The following DCDC2 variants were observed in gnomAD, a reference collection of about 807,000 sequenced individuals.
DCDC2 encodes the protein doublecortin domain containing 2.
A neutral mutation model predicts 50.2 loss-of-function variants in DCDC2; 40 were observed. That is an observed-to-expected ratio of 0.80 (90% CI 0.62 to 1.04). The LOEUF (loss-of-function observed/expected upper bound fraction) is 1.04, where lower values mean the gene tolerates loss of function less well. Ranked by LOEUF, DCDC2 falls within the 50% of genes least tolerant of loss-of-function variation. The probability of loss-of-function intolerance (pLI) is 0.00; values close to 1 mark genes in which losing one functional copy is unlikely to be tolerated. For missense variants in DCDC2, 570 were observed against 581.9 expected (o/e 0.98, Z 0.21); for synonymous variants, 234 against 210.6 (o/e 1.11, Z -0.96).
At chr6:24,230,157 T>G (rs1054805339) in intron 7 of DCDC2, among the ~76,000 whole-genome samples, 3 of 152,256 alleles carry the variant, frequency 2.0e-5, no homozygotes, top group African/African-American at 4.8e-5. Flanking sequence ...AAAGACACTT[T>G]TCTAAGCACT....
At chr6:24,214,437 G>A (rs1761934431) in intron 7 of DCDC2, among the ~76,000 whole-genome samples, 2 of 151,908 alleles carry the variant, frequency 1.3e-5, no homozygotes, top group African/African-American at 4.8e-5. Context: ...ATGAAAATCA[G>A]AAATATTCAG....
At chr6:24,304,401 T>C (rs1287906444) in intron 2 of DCDC2, among the ~76,000 whole-genome samples, 1 of 152,158 alleles carries the variant, frequency 6.6e-6, no homozygotes, top group Non-Finnish European at 1.5e-5. Flanking sequence ...GAGAATTGCT[T>C]GAAACCGGGA....
At chr6:24,285,132 T>C (rs191654456) in intron 6 of DCDC2, among the ~76,000 whole-genome samples, 228 of 152,232 alleles carry the variant, frequency 1.5e-3, no homozygotes, top group African/African-American at 5.2e-3. Flanking sequence ...GTGCCTACAG[T>C]TCCTGGCACT....
chr6:24,297,705 T>TA (rs201726206), intron 4 of DCDC2, among the ~76,000 whole-genome samples: 3,883 of 151,986 alleles, frequency 0.026, 92 homozygotes, highest in African/African-American at 0.053. Flanking sequence ...ATTATATATG[T>TA]AAAAAAAATT....
chr6:24,358,512 T>TAAAAAAAAAAAAAAAAAAAAA (rs966038766), upstream of DCDC2, among the ~76,000 whole-genome samples: 24 of 75,906 alleles, frequency 3.2e-4, no homozygotes, highest in African/African-American at 1.4e-3. Context: ...TCTCTACAAT[T>TAAAAAAAAAAAAAAAAAAAAA]AAAAAAAAAA....
chr6:24,305,620 G>A (rs707864), intron 2 of DCDC2, among the ~76,000 whole-genome samples: 122,157 of 152,094 alleles, frequency 0.8, 50,507 homozygotes, highest in East Asian at 0.99. Flanking sequence ...TGGTCAGTTG[G>A]TGGTACTCTA....
intron 4 of DCDC2, among the ~76,000 whole-genome samples, chr6:24,297,354 T>C (rs1458003810): frequency 1.3e-5 from 2 of 152,214 alleles, no homozygotes; most frequent in East Asian, 3.9e-4. Context: ...AAAGTAACTA[T>C]TGGGTACTAG....
At chr6:24,325,113 T>C (rs1430647710) in intron 2 of DCDC2, among the ~76,000 whole-genome samples, 1 of 152,046 alleles carries the variant, frequency 6.6e-6, no homozygotes, top group African/African-American at 2.4e-5. Context: ...CCTCTCCTCT[T>C]AGAATAATCC....
chr6:24,205,298 G>A, intron 7 of DCDC2, 196 bp from the exon 8 acceptor site: 1 of 1,546,058 alleles, frequency 6.5e-7, no homozygotes. Flanking sequence ...AAAACATTCA[G>A]TGGTCAAAAC....
intron 7 of DCDC2, among the ~76,000 whole-genome samples, chr6:24,227,869 T>C (rs1762263559): frequency 6.6e-6 from 1 of 152,154 alleles, no homozygotes; most frequent in Non-Finnish European, 1.5e-5. Flanking sequence ...CTCAGAACAT[T>C]CCAATTAACC....
chr6:24,217,673 A>AT (rs1762011864), intron 7 of DCDC2, among the ~76,000 whole-genome samples: 1 of 152,168 alleles, frequency 6.6e-6, no homozygotes, highest in African/African-American at 2.4e-5. Context: ...CTGTTCTAGA[A>AT]TTTTACAGAT....
intron 9 of DCDC2, 118 bp downstream of exon 9, chr6:24,178,212 C>T: frequency 6.9e-6 from 7 of 1,016,620 alleles, no homozygotes; most frequent in Non-Finnish European, 1.0e-5. Flanking sequence ...ATCTTTCCTA[C>T]TCAACCACAA....
chr6:24,327,985 G>T (rs539185615), intron 2 of DCDC2, among the ~76,000 whole-genome samples: 1 of 152,282 alleles, frequency 6.6e-6, no homozygotes, highest in East Asian at 1.9e-4. Context: ...CAAGCACAAA[G>T]AAATGAGATT....
At chr6:24,376,676 T>G in the DCDC2 span, among the ~76,000 whole-genome samples, 5 of 147,118 alleles carry the variant, frequency 3.4e-5, no homozygotes, top group African/African-American at 1.3e-4. Context: ...TTTTGCCCAT[T>G]TTACCTCCAG....
intron 7 of DCDC2, among the ~76,000 whole-genome samples, chr6:24,274,748 T>A (rs890664767): frequency 2.0e-5 from 3 of 151,962 alleles, no homozygotes; most frequent in Non-Finnish European, 4.4e-5. Context: ...CAGATATTTT[T>A]AAAAAATAAC....
chr6:24,297,781 A>G (rs1285214916), intron 4 of DCDC2, among the ~76,000 whole-genome samples: 1 of 152,256 alleles, frequency 6.6e-6, no homozygotes, highest in Non-Finnish European at 1.5e-5. Context: ...AAAGGTTTAA[A>G]TAAAATTTTA....
At chr6:24,375,960 C>A in the DCDC2 span, among the ~76,000 whole-genome samples, 1 of 152,018 alleles carries the variant, frequency 6.6e-6, no homozygotes, top group African/African-American at 2.4e-5. Flanking sequence ...GATATATGAG[C>A]ATGCCTGACA....
chr6:24,277,998 T>C, intron 7 of DCDC2, 51 bp downstream of exon 7: 1 of 1,434,604 alleles, frequency 7.0e-7, no homozygotes, highest in Non-Finnish European at 9.5e-7. Flanking sequence ...AATGGATCTA[T>C]TTAAGAATTA....
At chr6:24,208,563 G>A (rs533394586) in intron 7 of DCDC2, among the ~76,000 whole-genome samples, 13 of 151,934 alleles carry the variant, frequency 8.6e-5, no homozygotes, top group South Asian at 4.2e-4. Context: ...AGAGACAAGC[G>A]TTTCTCCATG....
Sources: allele counts gnomAD v4.1 joint callset (sites outside exome capture counted in the v4.1 genomes callset), GRCh38; gene constraint gnomAD v4.1.1; transcripts MANE v1.5; gene names NCBI Gene and HGNC (gene_info 2026-07-23, HGNC 2026-07-21).